METTL21C: variants seen among roughly 807,000 people sequenced by gnomAD.
The protein encoded by METTL21C is methyltransferase 21C, AARS1 lysine, also known as protein-lysine methyltransferase METTL21C.
A neutral mutation model predicts 25.9 loss-of-function variants in METTL21C; 21 were observed. The ratio of observed to expected loss-of-function variants is 0.81; its 90% CI spans 0.58 to 1.17. METTL21C has a LOEUF of 1.17. Ranked by LOEUF, METTL21C falls within the 50% of genes most tolerant of loss-of-function variation. The probability of loss-of-function intolerance (pLI) is 0.00; values close to 1 mark genes in which losing one functional copy is unlikely to be tolerated. For synonymous variants in METTL21C, 125 were observed against 124.7 expected (o/e 1.00, Z -0.01); for missense variants, 312 against 315.1 (o/e 0.99, Z 0.07).
chr13:102,689,112 G>A (rs1250538447), intron 2 of METTL21C, among the ~76,000 whole-genome samples: 5 of 149,210 alleles, frequency 3.4e-5, no homozygotes, highest in Non-Finnish European at 6.0e-5. Context: ...ATTTTTAAAA[G>A]GGAGATGGGG....
chr13:102,697,350 G>C (rs1409764858), upstream of METTL21C, among the ~76,000 whole-genome samples: 2 of 152,052 alleles, frequency 1.3e-5, no homozygotes, highest in African/African-American at 4.8e-5. Context: ...TATCGCAATA[G>C]GGGGTGGGAT....
chr13:102,701,121 G>A, the METTL21C span, among the ~76,000 whole-genome samples: 3 of 151,914 alleles, frequency 2.0e-5, no homozygotes, highest in African/African-American at 7.3e-5. Context: ...TGTTCTAGGG[G>A]AAGGAATGGA....
chr13:102,690,979 A>G lies in METTL21C; in HGVS notation c.131-15T>C. The G allele has an allele frequency of 2.5e-6, 4 of 1,613,066 alleles. No homozygotes were observed. The highest frequency in any genetic ancestry group is 3.4e-6 in the Non-Finnish European group (4 of 1,179,618). On this transcript the variant is annotated splice_polypyrimidine_tract_variant and intron_variant, in intron 1 of 3. Coordinates refer to ENST00000267273, the MANE Select transcript of METTL21C (RefSeq NM_001010977.3). Reference sequence around the variant, plus strand: ...CTTGTTGGATTCTGTGAAGCAGAAAAATAAAATGGAGTTCATGATTTGTTC... The same window carrying G: ...CTTGTTGGATTCTGTGAAGCAGAAAGATAAAATGGAGTTCATGATTTGTTC...
chr13:102,686,316 C>G lies in METTL21C; in HGVS notation c.510G>C (p.Leu170=). The G allele has an allele frequency of 6.2e-7, 1 of 1,614,198 alleles. No individual in the cohort carries two copies. The highest frequency in any genetic ancestry group is 8.5e-7 in the Non-Finnish European group (1 of 1,180,036). The change falls in exon 4 of 4, where the codon CTG becomes CTC. Residue 170 remains leucine, a synonymous_variant. Coordinates refer to ENST00000267273, the MANE Select transcript of METTL21C (RefSeq NM_001010977.3). ...TTTTGTCCAGGTCTTCCCCCCATAC[C>G]AGTTCTTTCACTTCAGGCAGATGTG... ...CTAHLPEVKE[L]VWGEDLDKNF... is the part of the protein sequence containing the mutation.
chr13:102,697,107 T>C (rs913674062), upstream of METTL21C, among the ~76,000 whole-genome samples: 2 of 152,092 alleles, frequency 1.3e-5, no homozygotes, highest in Admixed American at 6.6e-5. Flanking sequence ...GAACAATTGA[T>C]CCCAAGAAGC....
In METTL21C at chr13:102,694,887, C is replaced by CTCTCTCTG. The variant is rs1885917969; in HGVS notation, c.-390_-389insCAGAGAGA. ...ATTCTCTCTCTTTCTCTCTCTCTCT[C>CTCTCTCTG]TCTCTCTCTCTCTCACACACACACA... On this transcript the variant is annotated 5_prime_UTR_variant, in exon 1 of 4. Transcript: ENST00000267273. 7.2e-6 allele frequency among the ~76,000 whole-genome samples: 1 copy of CTCTCTCTG among 138,254 alleles called. No individual in the cohort carries two copies. Among genetic ancestry groups the CTCTCTCTG allele is most frequent in the South Asian group, 2.5e-4 (1 of 4,028 alleles). The allele number at this position is 138,254 out of a possible 152,430, so 90.7% of individuals were successfully genotyped here. A position where few individuals can be genotyped will look rare whatever the true frequency, so the allele number is the denominator to read the frequency against.
upstream of METTL21C, among the ~76,000 whole-genome samples, chr13:102,695,962 A>G (rs1885940576): frequency 6.6e-6 from 1 of 152,226 alleles, no homozygotes; most frequent in East Asian, 1.9e-4. Flanking sequence ...ATAGACAAAC[A>G]TATGCGTTCA....
At chr13:102,688,004 A>G (rs751974913) in intron 2 of METTL21C, among the ~76,000 whole-genome samples, 3 of 152,224 alleles carry the variant, frequency 2.0e-5, no homozygotes, top group Non-Finnish European at 4.4e-5. Context: ...GATTAGGAAG[A>G]GTTATGAGAA....
the METTL21C span, among the ~76,000 whole-genome samples, chr13:102,703,226 C>T: frequency 6.6e-6 from 1 of 152,216 alleles, no homozygotes; most frequent in South Asian, 2.1e-4. Context: ...TGCTGCCCTT[C>T]TCCTTTCCCC....
At chr13:102,688,992 G>A (rs901322214) in intron 2 of METTL21C, among the ~76,000 whole-genome samples, 7 of 152,240 alleles carry the variant, frequency 4.6e-5, no homozygotes, top group African/African-American at 1.7e-4. Flanking sequence ...CTTTCAGGAA[G>A]CAGGTTTCAT....
chr13:102,686,137 T>C lies in METTL21C; in HGVS notation c.689A>G (p.Asp230Gly). 1 of 1,614,160 alleles carries C rather than the reference T, an allele frequency of 6.2e-7. No homozygotes were observed. The highest frequency in any genetic ancestry group is 1.1e-5 in the South Asian group (1 of 91,078). Residue 230 changes from aspartate (D) to glycine (G), a missense_variant, in exon 4 of 4, where the codon GAC (aspartate) becomes GGC (glycine). By Grantham distance (94) the Asp-to-Gly change is moderately conservative. Transcript: ENST00000267273. ...LWANKFRFST[D>G]YEFLDKFKQV... ...CTTGAATTTATCTAAAAATTCATAG[T>C]CGGTGCTGAACCTGAATTTGTTTGC... is the stretch of plus-strand genomic sequence containing the variant.
chr13:102,686,093 G>A lies in METTL21C; in HGVS notation c.733C>T (p.Leu245=), dbSNP rs1157466535. ...GATGACTCTGGATATTCAGCCAACAGTGTTGTGTCAAAAACTTGCTTGAAT... is the reference window on the plus strand; with the variant it reads ...GATGACTCTGGATATTCAGCCAACAATGTTGTGTCAAAAACTTGCTTGAAT... The part of the protein sequence containing the change: ...DKFKQVFDTT[L]LAEYPESSVK... Residue 245 remains leucine, a synonymous_variant, in exon 4 of 4, where the codon CTG becomes TTG. Transcript: ENST00000267273. The A allele has an allele frequency of 2.5e-6, 4 of 1,613,066 alleles. No homozygotes were observed. The highest frequency in any genetic ancestry group is 2.5e-6 in the Non-Finnish European group (3 of 1,179,320).
At chr13:102,702,680 TC>T in the METTL21C span, among the ~76,000 whole-genome samples, 1 of 152,116 alleles carries the variant, frequency 6.6e-6, no homozygotes, top group Non-Finnish European at 1.5e-5. Context: ...AACCTCCGCT[TC>T]CTGGGTTCAA....
At chr13:102,700,225 G>T in the METTL21C span, among the ~76,000 whole-genome samples, 1 of 152,164 alleles carries the variant, frequency 6.6e-6, no homozygotes. Context: ...AAGCATTCGA[G>T]CCCCAGGCTT....
At chr13:102,697,163 A>T, upstream of METTL21C, among the ~76,000 whole-genome samples, 1 of 152,234 alleles carries the variant, frequency 6.6e-6, no homozygotes, top group East Asian at 1.9e-4. Flanking sequence ...AAGATACAAG[A>T]TTGGATCAAA....
At chr13:102,702,394 G>C in the METTL21C span, among the ~76,000 whole-genome samples, 1 of 152,072 alleles carries the variant, frequency 6.6e-6, no homozygotes, top group African/African-American at 2.4e-5. Flanking sequence ...TTAGCATTGT[G>C]TAGAAGTCTG....
the METTL21C span, among the ~76,000 whole-genome samples, chr13:102,700,780 G>T: frequency 6.6e-6 from 1 of 152,082 alleles, no homozygotes; most frequent in Non-Finnish European, 1.5e-5. Flanking sequence ...GCTGAGGAGG[G>T]GCAAGGATGC....
Position 102,689,822 on chromosome 13 carries a change from T to C in METTL21C, c.282+991A>G, listed in dbSNP as rs369239257. ...ATTACATTAATGAGGACAGTTCATG[T>C]GAGCTTACGCTAGGACTTCATTTAA... On this transcript the variant is annotated intron_variant, in intron 2 of 3. Coordinates refer to ENST00000267273, the MANE Select transcript of METTL21C (RefSeq NM_001010977.3). Among the ~76,000 whole-genome samples, 30 of 152,360 alleles carry C rather than the reference T, an allele frequency of 2.0e-4. No individual in the cohort carries two copies. The East Asian group carries it at 4.6e-3, about 23-fold the overall frequency.
intron 2 of METTL21C, among the ~76,000 whole-genome samples, chr13:102,688,089 A>G (rs1040154819): frequency 1.3e-5 from 2 of 152,238 alleles, no homozygotes; most frequent in African/African-American, 2.4e-5. Context: ...GATTTAAAAA[A>G]CAATGAACTC....
Sources: gnomAD v4.1 joint callset for allele counts (sites outside exome capture counted in the v4.1 genomes callset) on GRCh38, gnomAD v4.1.1 for gene constraint, MANE v1.5 for transcripts, NCBI Gene and HGNC (gene_info 2026-07-23, HGNC 2026-07-21) for gene names.